The following TRIOBP variants were observed in gnomAD, a reference collection of about 807,000 sequenced individuals.
The protein encoded by TRIOBP is TRIO and F-actin-binding protein.
A neutral mutation model predicts 238.8 loss-of-function variants in TRIOBP; 169 were observed. The ratio of observed to expected loss-of-function variants is 0.71; its 90% CI spans 0.62 to 0.80. The LOEUF (loss-of-function observed/expected upper bound fraction) is 0.80. Ranked by LOEUF, TRIOBP falls within the 30% of genes least tolerant of loss-of-function variation. The probability of loss-of-function intolerance (pLI) is 0.00; values close to 1 mark genes in which losing one functional copy is unlikely to be tolerated. For synonymous variants in TRIOBP, 1,150 were observed against 1,274.4 expected (o/e 0.90, Z 2.08); for missense variants, 2,838 against 3,122.6 (o/e 0.91, Z 2.17).
At chr22:37,727,650 A>G (rs1924239740) in intron 7 of TRIOBP, among the ~76,000 whole-genome samples, 1 of 152,176 alleles carries the variant, frequency 6.6e-6, no homozygotes, top group South Asian at 2.1e-4. Flanking sequence ...CCTGGGTGAC[A>G]GAGTGAGACT....
intron 8 of TRIOBP, 38 bp downstream of exon 8, chr22:37,733,450 G>C: frequency 6.7e-7 from 1 of 1,500,012 alleles, no homozygotes; most frequent in Middle Eastern, 1.8e-4. Flanking sequence ...CGCACCCCAA[G>C]GGGCGGCCAC....
chr22:37,734,080 C>T (rs1181481268), intron 8 of TRIOBP, among the ~76,000 whole-genome samples: 2 of 152,212 alleles, frequency 1.3e-5, no homozygotes, highest in African/African-American at 2.4e-5. Flanking sequence ...GGGCTAGGCC[C>T]GCCTCAGTGG....
rs1201039517 is a variant in TRIOBP at position 37,775,922 on chromosome 22, T to C, written c.*2142T>C. The C allele has an allele frequency of 6.6e-6, 1 of 152,256 alleles. No homozygotes were observed. The highest frequency in any genetic ancestry group is 1.5e-5 in the Non-Finnish European group (1 of 68,064). The allele number at this position is 152,256 out of a possible 1,614,324, so 9.4% of individuals were successfully genotyped here. ...CGTGCCATCAAATCCTCCGGCCTTG[T>C]GCTGCCCTGTCTCGGCACTGCTTGC... On this transcript the variant is annotated 3_prime_UTR_variant, in exon 24 of 24. Transcript: ENST00000644935.
chr22:37,740,037 A>C (rs1206656393), intron 10 of TRIOBP, among the ~76,000 whole-genome samples: 1 of 151,660 alleles, frequency 6.6e-6, no homozygotes, highest in Non-Finnish European at 1.5e-5. Flanking sequence ...GGTGAGTCGG[A>C]GCGCCATCAA....
At chr22:37,749,261 A>G (rs1925444757) in intron 11 of TRIOBP, among the ~76,000 whole-genome samples, 1 of 152,136 alleles carries the variant, frequency 6.6e-6, no homozygotes, top group South Asian at 2.1e-4. Context: ...AGGCTGAGGC[A>G]GGAGAAACGC....
intron 10 of TRIOBP, among the ~76,000 whole-genome samples, chr22:37,739,439 C>A (rs1053537183): frequency 0.033 from 10 of 304 alleles, no homozygotes; most frequent in African/African-American, 0.24. Context: ...AGCATAGCGC[C>A]CCCCAAGTAG....
At chr22:37,737,156 G>A (rs749414667) in intron 9 of TRIOBP, among the ~76,000 whole-genome samples, 26 of 152,166 alleles carry the variant, frequency 1.7e-4, no homozygotes, top group Non-Finnish European at 2.8e-4. Context: ...GCTGTGTCCC[G>A]GGGCATGCTG....
intron 2 of TRIOBP, 150 bp from the exon 3 acceptor site, chr22:37,701,156 A>G (rs1922625238): frequency 1.8e-6 from 1 of 543,054 alleles, no homozygotes; most frequent in Non-Finnish European, 3.4e-6. Flanking sequence ...GAATAAATGA[A>G]CAGGAATGGA....
intron 11 of TRIOBP, among the ~76,000 whole-genome samples, chr22:37,748,523 G>A (rs1194922473): frequency 6.6e-6 from 1 of 152,132 alleles, no homozygotes; most frequent in Non-Finnish European, 1.5e-5. Context: ...CCAGGGCAGG[G>A]GCCACAGCTC....
intron 11 of TRIOBP, among the ~76,000 whole-genome samples, chr22:37,747,664 G>A (rs1925356266): frequency 6.6e-6 from 1 of 152,238 alleles, no homozygotes; most frequent in Non-Finnish European, 1.5e-5. Flanking sequence ...GGGCCAGGAG[G>A]AGAGAAGTTG....
chr22:37,768,277 G>C, intron 19 of TRIOBP, 101 bp downstream of exon 19: 3 of 962,176 alleles, frequency 3.1e-6, no homozygotes, highest in Non-Finnish European at 4.9e-6. Flanking sequence ...GCCCCTAGCT[G>C]AGATTCCTGC....
At chr22:37,705,070 C>T (rs1356681007) in intron 3 of TRIOBP, among the ~76,000 whole-genome samples, 1 of 149,210 alleles carries the variant, frequency 6.7e-6, no homozygotes, top group Non-Finnish European at 1.5e-5. Flanking sequence ...GAGACCTTGT[C>T]TCAAAAACAA....
rs895057054 is a variant in TRIOBP, at chr22:37,713,311, C to A, written c.356C>A (p.Thr119Asn). Residue 119 changes from threonine to asparagine, a missense_variant, in exon 5 of 24, where the codon ACC (threonine) becomes AAC (asparagine). By Grantham distance (65) the Thr-to-Asn change is moderately conservative (BLOSUM62 0). Around this residue, in one of 5 missense-constraint regions of TRIOBP, gnomAD observed 535 missense variants for 537.3 expected, o/e 1.00. Coordinates refer to ENST00000644935, the MANE Select transcript of TRIOBP (RefSeq NM_001039141.3). ...GCAGTACCCTATCTGGAGGGCCTGA[C>A]CACTTCCTTGTGTGGCAGCTGCAAC... Reference protein sequence around the residue: ...LEAVPYLEGLTTSLCGSCNED... With the variant: ...LEAVPYLEGLNTSLCGSCNED... 2 of 1,613,946 alleles carry A rather than the reference C, an allele frequency of 1.2e-6. No individual in the cohort carries two copies. The highest frequency in any genetic ancestry group is 2.7e-5 in the African/African-American group (2 of 74,946).
intron 3 of TRIOBP, among the ~76,000 whole-genome samples, chr22:37,709,689 C>T (rs1027607760): frequency 6.6e-6 from 1 of 152,174 alleles, no homozygotes; most frequent in Admixed American, 6.5e-5. Flanking sequence ...TTGGGGGGGG[C>T]CCTGGAGGTG....
chr22:37,701,918 G>A (rs921620896), intron 3 of TRIOBP, among the ~76,000 whole-genome samples: 5 of 152,052 alleles, frequency 3.3e-5, no homozygotes, highest in Non-Finnish European at 5.9e-5. Context: ...ACCCGAGGTC[G>A]GGAGTTTGAA....
chr22:37,731,883 C>G (rs780878367), intron 7 of TRIOBP, among the ~76,000 whole-genome samples: 7 of 152,266 alleles, frequency 4.6e-5, no homozygotes, highest in Non-Finnish European at 7.3e-5. Flanking sequence ...ACCCATTGCG[C>G]CCTGCCCAAT....
rs185224484 is a variant in TRIOBP at position 37,704,611 on chromosome 22, C to T, written c.114+3132C>T. Among the ~76,000 whole-genome samples, 3 of 149,514 alleles carry T rather than the reference C, an allele frequency of 2.0e-5. No homozygotes were observed. In the Admixed American group the frequency reaches 2.0e-4, roughly 10 times the overall value. ...TGGTTGTGATAAATGTATAAAGGAA[C>T]AGTAAGTGGCATGAAGGTAAAGGAT... On this transcript the variant is annotated intron_variant, in intron 3 of 23. Transcript: ENST00000644935.
At position 37,734,742 on chromosome 22, in the gene TRIOBP, C is replaced by A. The variant is rs770007342; in HGVS notation, c.4406C>A (p.Ala1469Glu). Residue 1469 changes from alanine to glutamate, a missense_variant, in exon 9 of 24, where the codon GCA becomes GAA. Around this residue, in one of 5 missense-constraint regions of TRIOBP, gnomAD observed 2,096 missense variants for 2,137.4 expected, o/e 0.98. Transcript: ENST00000644935. ...WWGCGEPSLG[A>E]AKAPEGAWGG... Reference sequence around the variant, plus strand: ...GGATGTGGAGAGCCCAGCCTGGGGGCAGCCAAAGCCCCGGAGGGAGCATGG... The same window carrying A: ...GGATGTGGAGAGCCCAGCCTGGGGGAAGCCAAAGCCCCGGAGGGAGCATGG... 6.2e-7 allele frequency: 1 copy of A among 1,610,878 alleles called. No individual in the cohort carries two copies. The highest frequency in any genetic ancestry group is 1.7e-5 in the Admixed American group (1 of 59,686).
At chr22:37,699,832 C>T (rs564235997) in intron 2 of TRIOBP, among the ~76,000 whole-genome samples, 2 of 151,806 alleles carry the variant, frequency 1.3e-5, no homozygotes, top group South Asian at 2.1e-4. Flanking sequence ...TGAGCCACTG[C>T]GCCTGGCCAG....
Sources: gnomAD v4.1 joint callset for allele counts (sites outside exome capture counted in the v4.1 genomes callset) on GRCh38, gnomAD v4.1.1 for gene constraint, gnomAD v4.1.1 regional missense constraint, MANE v1.5 for transcripts, NCBI Gene and HGNC (gene_info 2026-07-23, HGNC 2026-07-21) for gene names.